GAS7: variants seen among roughly 807,000 people sequenced by gnomAD.
The protein encoded by GAS7 is growth arrest-specific protein 7.
GAS7 carries 28 observed loss-of-function variants against 71.1 expected under a neutral mutation model. That is an observed-to-expected ratio of 0.39 (90% CI 0.29 to 0.54). The LOEUF (loss-of-function observed/expected upper bound fraction) is 0.54, where lower values mean the gene tolerates loss of function less well. GAS7 is among the 20% of genes least tolerant of loss of function. The pLI is 0.62. For synonymous variants in GAS7, 258 were observed against 245.8 expected, an observed-to-expected ratio of 1.05 and a Z score of -0.46; for missense variants, 436 against 627.8, an observed-to-expected ratio of 0.69 and a Z score of 3.27.
intron 2 of GAS7, among the ~76,000 whole-genome samples, chr17:10,010,863 G>C (rs2071743047): frequency 6.6e-6 from 1 of 152,156 alleles, no homozygotes; most frequent in Non-Finnish European, 1.5e-5. Flanking sequence ...ATTTTAAGTT[G>C]GAGACAGCTT....
At chr17:10,033,475 T>C (rs1450836077) in intron 1 of GAS7, among the ~76,000 whole-genome samples, 1 of 152,212 alleles carries the variant, frequency 6.6e-6, no homozygotes, top group Non-Finnish European at 1.5e-5. Flanking sequence ...AAGCGTCCTA[T>C]TGCATTCAAA....
chr17:10,080,363 T>A (rs1438074440), intron 1 of GAS7, among the ~76,000 whole-genome samples: 2 of 152,142 alleles, frequency 1.3e-5, no homozygotes, highest in African/African-American at 4.8e-5. Flanking sequence ...CCTGGAAAAT[T>A]CATGAATAAT....
intron 1 of GAS7, among the ~76,000 whole-genome samples, chr17:10,164,727 T>A (rs2074280218): frequency 6.6e-6 from 1 of 150,648 alleles, no homozygotes; most frequent in Non-Finnish European, 1.5e-5. Flanking sequence ...ACATAATGGC[T>A]CACACCTATA....
Position 9,969,577 on chromosome 17 carries a change from G to A in GAS7, c.471+100C>T, listed in dbSNP as rs557198321. On this transcript the variant is annotated intron_variant, in intron 4 of 13. Coordinates refer to ENST00000432992, the MANE Select transcript of GAS7 (RefSeq NM_201433.2). The surrounding 1 kb of genome is among the most constrained non-coding windows in gnomAD (Gnocchi z 5.5). ...CCACTTTCTACCTGGGGGCAGAACT[G>A]GGCTGCAGCCACCTGGACTCCCATG... The A allele has an allele frequency of 6.9e-5, 51 of 741,596 alleles. No homozygotes were observed. The African/African-American group carries it at 7.4e-4, about 11-fold the overall frequency. The allele number at this position is 741,596 out of a possible 1,614,324, so 45.9% of individuals were successfully genotyped here.
intron 1 of GAS7, among the ~76,000 whole-genome samples, chr17:10,143,090 G>A (rs1050409207): frequency 1.8e-4 from 28 of 152,090 alleles, no homozygotes; most frequent in Non-Finnish European, 3.7e-4. Context: ...GCTGAGGCGG[G>A]AGAATCGCTT....
chr17:10,020,672 G>A (rs576856241), intron 1 of GAS7, among the ~76,000 whole-genome samples: 1 of 152,102 alleles, frequency 6.6e-6, no homozygotes, highest in Non-Finnish European at 1.5e-5. Context: ...AGCACTTTGG[G>A]AGGCCGAGGC....
intron 1 of GAS7, among the ~76,000 whole-genome samples, chr17:10,150,591 C>CTTTCTTT: frequency 8.4e-6 from 1 of 118,958 alleles, no homozygotes; most frequent in Non-Finnish European, 1.6e-5. Context: ...TGTTACATTT[C>CTTTCTTT]TTTTTTTTTT....
chr17:10,058,801 T>G (rs1442332084), intron 1 of GAS7, among the ~76,000 whole-genome samples: 1 of 152,196 alleles, frequency 6.6e-6, no homozygotes, highest in African/African-American at 2.4e-5. Flanking sequence ...TAGCACATCT[T>G]GAGGTTAGGT....
In GAS7 at chr17:10,141,966, C is replaced by T. The variant is rs888745550; in HGVS notation, c.183+56242G>A. Among the ~76,000 whole-genome samples the T allele has an allele frequency of 4.8e-5, 6 of 125,802 alleles. 1 individual carries two copies. In the South Asian group the frequency reaches 8.9e-4, roughly 19 times the overall value. 82.5% of individuals were successfully genotyped at this position (125,802 alleles called of 152,430 possible). A position where few individuals can be genotyped will look rare whatever the true frequency, so the allele number is the denominator to read the frequency against. On this transcript the variant is annotated intron_variant, in intron 1 of 13. Transcript: ENST00000432992. ...ATAGTAGGCCGGGCGCAATGGCTCA[C>T]GCCTGTAATCCCAGCACTTTGGGGG...
At chr17:10,007,625 C>CAAAAAAAA (rs201254619) in intron 2 of GAS7, among the ~76,000 whole-genome samples, 83 of 46,582 alleles carry the variant, frequency 1.8e-3, no homozygotes, top group African/African-American at 3.5e-3. Flanking sequence ...GATTCTGTCT[C>CAAAAAAAA]AAAAAAAAAA....
chr17:10,050,103 T>G (rs961340270), intron 1 of GAS7, among the ~76,000 whole-genome samples: 1 of 152,238 alleles, frequency 6.6e-6, no homozygotes, highest in Admixed American at 6.5e-5. Flanking sequence ...CTTTTAAAAA[T>G]TCTAAGCTTA....
chr17:10,194,876 A>C (rs1186908778), intron 1 of GAS7, among the ~76,000 whole-genome samples: 1 of 135,188 alleles, frequency 7.4e-6, no homozygotes, highest in Non-Finnish European at 1.6e-5. Flanking sequence ...AAAAAAAAAA[A>C]AAAAAAAGAC....
At chr17:10,106,238 C>T (rs1008599890) in intron 1 of GAS7, among the ~76,000 whole-genome samples, 2 of 152,214 alleles carry the variant, frequency 1.3e-5, no homozygotes, top group East Asian at 3.8e-4. Flanking sequence ...ACCTGCCCTG[C>T]TTCTCAGGGA....
intron 1 of GAS7, among the ~76,000 whole-genome samples, chr17:10,072,682 C>A (rs182729346): frequency 2.0e-5 from 3 of 152,296 alleles, no homozygotes; most frequent in South Asian, 4.1e-4. Flanking sequence ...CACAACCCTA[C>A]CCCGATCCAC....
chr17:10,117,893 T>C (rs1288673059), intron 1 of GAS7, among the ~76,000 whole-genome samples: 1 of 151,934 alleles, frequency 6.6e-6, no homozygotes, highest in African/African-American at 2.4e-5. Flanking sequence ...ATGCTGAATG[T>C]GGAATGTGAG....
rs2067546130 is a variant in GAS7, at chr17:9,915,069, T to TGAAGGGGGTAAAGA, written c.*2145_*2158dup. The TGAAGGGGGTAAAGA allele has an allele frequency of 4.4e-6, 1 of 229,732 alleles. No individual in the cohort carries two copies. Among genetic ancestry groups the TGAAGGGGGTAAAGA allele is most frequent in the African/African-American group, 2.2e-5 (1 of 44,776 alleles). 14.2% of individuals were successfully genotyped at this position (229,732 alleles called of 1,614,324 possible). A position where few individuals can be genotyped will look rare whatever the true frequency, so the allele number is the denominator to read the frequency against. On this transcript the variant is annotated 3_prime_UTR_variant, in exon 14 of 14. Coordinates refer to ENST00000432992, the MANE Select transcript of GAS7 (RefSeq NM_201433.2). ...AGAGGGAAGAAAGAAAGGAAGTACG[T>TGAAGGGGGTAAAGA]GAAGGGGGTAAAGAGAAGGAGGTGA... is the stretch of plus-strand genomic sequence containing the variant.
intron 1 of GAS7, among the ~76,000 whole-genome samples, chr17:10,087,739 C>A (rs1006087698): frequency 2.6e-5 from 4 of 152,182 alleles, no homozygotes; most frequent in African/African-American, 9.7e-5. Context: ...GAAAAGGAAG[C>A]AGTGCTGAAT....
chr17:9,952,517 G>A (rs1214823225), intron 5 of GAS7, among the ~76,000 whole-genome samples: 2 of 151,978 alleles, frequency 1.3e-5, no homozygotes, highest in African/African-American at 2.4e-5. Flanking sequence ...TCAGCCTCGC[G>A]AGTAGCTGGG....
intron 1 of GAS7, among the ~76,000 whole-genome samples, chr17:10,182,446 C>T (rs2074423650): frequency 6.6e-6 from 1 of 152,216 alleles, no homozygotes; most frequent in South Asian, 2.1e-4. Context: ...AGGCATGAGG[C>T]ACCGCACCCG....
Sources: gnomAD v4.1 joint callset for allele counts (sites outside exome capture counted in the v4.1 genomes callset) on GRCh38, gnomAD v4.1.1 for gene constraint, Gnocchi (gnomAD v3.1) non-coding constraint, MANE v1.5 for transcripts, NCBI Gene and HGNC (gene_info 2026-07-23, HGNC 2026-07-21) for gene names.